The following PLEKHA8 variants were observed in gnomAD, a reference collection of about 807,000 sequenced individuals.
PLEKHA8 encodes the protein pleckstrin homology domain containing A8.
Under a neutral mutation model 68.2 loss-of-function variants are expected in PLEKHA8, and 36 were observed. That is an observed-to-expected ratio of 0.53 (90% CI 0.40 to 0.70). The LOEUF is 0.70. Among genes scored for constraint, PLEKHA8 ranks in the 30% least tolerant of loss-of-function variants. The pLI is 0.00. For missense variants in PLEKHA8, 505 were observed against 615.4 expected, an observed-to-expected ratio of 0.82 and a Z score of 1.90; for synonymous variants, 211 against 216.1, an observed-to-expected ratio of 0.98 and a Z score of 0.20.
chr7:30,074,512 A>T (rs902517869), intron 13 of PLEKHA8, among the ~76,000 whole-genome samples: 1 of 152,168 alleles, frequency 6.6e-6, no homozygotes, highest in Admixed American at 6.5e-5. Flanking sequence ...TGCCTTTCTG[A>T]TAAGGTAGTA....
chr7:30,119,666 C>G (rs896687398), intron 13 of PLEKHA8, among the ~76,000 whole-genome samples: 3 of 152,194 alleles, frequency 2.0e-5, no homozygotes, highest in Non-Finnish European at 4.4e-5. Context: ...GAGGTTTCTG[C>G]CAAGACACAT....
chr7:30,059,382 C>T (rs62446689), intron 9 of PLEKHA8, among the ~76,000 whole-genome samples: 23,451 of 152,108 alleles, frequency 0.15, 1,827 homozygotes, highest in Middle Eastern at 0.2. Flanking sequence ...GAGTTAACTT[C>T]ATAAAATGCT....
Position 30,080,474 on chromosome 7 carries a change from C to G in PLEKHA8, c.*1687C>G, listed in dbSNP as rs1794871312. 1.0e-6 allele frequency: 1 copy of G among 985,238 alleles called. No homozygotes were observed. Among genetic ancestry groups the G allele is most frequent in the African/African-American group, 1.7e-5 (1 of 57,278 alleles). 61.0% of individuals were successfully genotyped at this position (985,238 alleles called of 1,614,324 possible). On this transcript the variant is annotated 3_prime_UTR_variant, in exon 14 of 14. Transcript: ENST00000449726. The stretch of plus-strand genomic sequence containing the variant: ...ATGATGCTGTTCCTGCTGCAGATCT[C>G]TAGGATGGAGAGAATTCTCTCTTTA...
chr7:30,058,474 T>A (rs201490268), intron 9 of PLEKHA8, among the ~76,000 whole-genome samples: 14,865 of 138,892 alleles, frequency 0.11, 748 homozygotes, highest in African/African-American at 0.14. Context: ...TGAGGTTCTT[T>A]TTTTTTTTTT....
chr7:30,096,177 C>T (rs1331711323), intron 13 of PLEKHA8, among the ~76,000 whole-genome samples: 1 of 152,062 alleles, frequency 6.6e-6, no homozygotes, highest in South Asian at 2.1e-4. Context: ...TTCTTCCATT[C>T]GTTTGTATCC....
At chr7:30,044,902 T>G (rs1389497859) in intron 1 of PLEKHA8, among the ~76,000 whole-genome samples, 183 bp from the exon 2 acceptor site, 1 of 152,242 alleles carries the variant, frequency 6.6e-6, no homozygotes, top group Non-Finnish European at 1.5e-5. Flanking sequence ...CATTTTTAAT[T>G]TTACAAAAAT....
rs376344071 is a variant in PLEKHA8 at position 30,046,259 on chromosome 7, G to A, written c.207G>A (p.Gln69=). The A allele has an allele frequency of 4.9e-5, 79 of 1,613,752 alleles. No homozygotes were observed. The highest frequency in any genetic ancestry group is 4.2e-4 in the Admixed American group (25 of 59,988). ...TGGACCTGATAATCCCTGGGGAACA[G>A]TATTTCTACCTGAAGGCCAGAAGTG... ...TRMDLIIPGE[Q]YFYLKARSVA... The change falls in exon 3 of 14, where the codon CAG becomes CAA. Residue 69 remains glutamine (Q), a synonymous_variant. Coordinates refer to ENST00000449726, the MANE Select transcript of PLEKHA8 (RefSeq NM_001197026.2).
rs1410343204 is a variant in PLEKHA8 at position 30,083,167 on chromosome 7, T to C, written c.*4380T>C. On this transcript the variant is annotated 3_prime_UTR_variant, in exon 14 of 14. Transcript: ENST00000449726. ...TTAGAGGGCCTGACTTCAGATACTC[T>C]TTGTGATCTTGTAAGGGCTCTACAC... 1.0e-6 allele frequency: 1 copy of C among 983,534 alleles called. No homozygotes were observed. Among genetic ancestry groups the C allele is most frequent in the African/African-American group, 1.7e-5 (1 of 57,174 alleles). The allele number at this position is 983,534 out of a possible 1,614,324, so 60.9% of individuals were successfully genotyped here.
At chr7:30,070,648 G>C (rs1794174900) in intron 12 of PLEKHA8, among the ~76,000 whole-genome samples, 1 of 151,094 alleles carries the variant, frequency 6.6e-6, no homozygotes, top group Non-Finnish European at 1.5e-5. Context: ...CCAGGTTCAA[G>C]CAATTCTCTG....
downstream of PLEKHA8, among the ~76,000 whole-genome samples, chr7:30,094,247 T>C (rs564446099): frequency 6.6e-6 from 1 of 152,126 alleles, no homozygotes; most frequent in East Asian, 1.9e-4. Context: ...TGCTAAATAT[T>C]AGGGATTGGT....
intron 12 of PLEKHA8, among the ~76,000 whole-genome samples, chr7:30,063,653 T>G (rs1251652691): frequency 6.6e-6 from 1 of 152,164 alleles, no homozygotes; most frequent in African/African-American, 2.4e-5. Context: ...CCCCACGTGA[T>G]TTCCCGAGTC....
intron 13 of PLEKHA8, among the ~76,000 whole-genome samples, chr7:30,110,850 G>T (rs1467953910): frequency 6.6e-6 from 1 of 151,062 alleles, no homozygotes; most frequent in Non-Finnish European, 1.5e-5. Context: ...CTTCTTTAAA[G>T]AAATATCTAT....
intron 13 of PLEKHA8, among the ~76,000 whole-genome samples, chr7:30,097,678 C>T (rs1189899460): frequency 6.6e-6 from 1 of 152,258 alleles, no homozygotes; most frequent in Non-Finnish European, 1.5e-5. Context: ...TCAGCTCCAT[C>T]AGGTCCTTTA....
intron 11 of PLEKHA8, among the ~76,000 whole-genome samples, chr7:30,062,399 A>G (rs1269759576): frequency 6.6e-6 from 1 of 152,196 alleles, no homozygotes; most frequent in Non-Finnish European, 1.5e-5. Context: ...TTGCATTTCT[A>G]GCAAATTCCC....
chr7:30,123,266 C>A (rs1796722019), intron 13 of PLEKHA8, among the ~76,000 whole-genome samples: 1 of 152,188 alleles, frequency 6.6e-6, no homozygotes, highest in Non-Finnish European at 1.5e-5. Context: ...AAATGGCTTA[C>A]CCAAGGTCAA....
chr7:30,114,936 C>G (rs1245199382), intron 13 of PLEKHA8, among the ~76,000 whole-genome samples: 1 of 152,132 alleles, frequency 6.6e-6, no homozygotes, highest in African/African-American at 2.4e-5. Flanking sequence ...CCCATCCAGA[C>G]AGAGGCATAT....
chr7:30,032,115 A>G (rs1197206574), intron 1 of PLEKHA8, among the ~76,000 whole-genome samples: 1 of 152,230 alleles, frequency 6.6e-6, no homozygotes, highest in East Asian at 1.9e-4. Flanking sequence ...AAAACATGTT[A>G]CAGATTCCCA....
At chr7:30,127,026 A>G (rs1796783657) in intron 13 of PLEKHA8, among the ~76,000 whole-genome samples, 1 of 152,192 alleles carries the variant, frequency 6.6e-6, no homozygotes, top group African/African-American at 2.4e-5. Flanking sequence ...AAACTTACTG[A>G]GTCTCTTTGC....
At chr7:30,112,500 G>A (rs1158334411) in intron 13 of PLEKHA8, among the ~76,000 whole-genome samples, 1 of 152,030 alleles carries the variant, frequency 6.6e-6, no homozygotes, top group East Asian at 1.9e-4. Context: ...TAAAATCTGA[G>A]GGATGTAGCT....
Sources: gnomAD v4.1 joint callset for allele counts (sites outside exome capture counted in the v4.1 genomes callset) on GRCh38, gnomAD v4.1.1 for gene constraint, MANE v1.5 for transcripts, NCBI Gene and HGNC (gene_info 2026-07-23, HGNC 2026-07-21) for gene names.